The following CUL1 variants were observed in gnomAD, a reference collection of about 807,000 sequenced individuals.
CUL1 encodes cullin-1.
CUL1 carries 24 observed loss-of-function variants against 118.0 expected under a neutral mutation model. The ratio of observed to expected loss-of-function variants is 0.20; its 90% CI spans 0.15 to 0.29. The LOEUF (loss-of-function observed/expected upper bound fraction) is 0.29, where lower values mean the gene tolerates loss of function less well. Ranked by LOEUF, CUL1 falls within the 10% of genes least tolerant of loss-of-function variation. CUL1 has a pLI of 1.00. For missense variants in CUL1, 361 were observed against 933.8 expected (o/e 0.39, Z 7.99); for synonymous variants, 332 against 340.4 (o/e 0.98, Z 0.27).
rs530718949 is a variant in CUL1 at position 148,764,096 on chromosome 7, A to AT, written c.790-2459dup. On this transcript the variant is annotated intron_variant, in intron 7 of 21. Coordinates refer to ENST00000325222, the MANE Select transcript of CUL1 (RefSeq NM_003592.3). ...ATGACTACTGTAGGTTTCTAATGTC[A>AT]TTTTTTAAAAACTTTAAAAATATAC... Among the ~76,000 whole-genome samples, 255 of 152,272 alleles carry AT rather than the reference A, an allele frequency of 1.7e-3. 2 individuals carry two copies. Among genetic ancestry groups the AT allele is most frequent in the African/African-American group, 5.9e-3 (244 of 41,560 alleles).
chr7:148,752,132 T>C (rs910257403), intron 2 of CUL1, among the ~76,000 whole-genome samples: 1 of 152,064 alleles, frequency 6.6e-6, no homozygotes, highest in African/African-American at 2.4e-5. Context: ...AAACAAAATG[T>C]AGAACATGTG....
intron 16 of CUL1, among the ~76,000 whole-genome samples, chr7:148,792,325 C>T (rs906110274): frequency 3.9e-5 from 6 of 152,052 alleles, no homozygotes; most frequent in African/African-American, 1.4e-4. Context: ...CAATAATGTG[C>T]CAAAAGATAA....
chr7:148,788,461 A>T, intron 13 of CUL1, 96 bp from the exon 14 acceptor site: 1 of 741,652 alleles, frequency 1.3e-6, no homozygotes, highest in Non-Finnish European at 2.3e-6. Context: ...CCATATAATT[A>T]AGTATATATT....
At chr7:148,738,305 G>A (rs1201443863) in intron 2 of CUL1, among the ~76,000 whole-genome samples, 4 of 152,324 alleles carry the variant, frequency 2.6e-5, no homozygotes, top group African/African-American at 9.6e-5. Context: ...CACTGGACAG[G>A]TGCCCAGAAG....
At position 148,788,546 on chromosome 7, in the gene CUL1, GTTC is replaced by G; in HGVS notation, c.1480-6_1480-4del. On this transcript the variant is annotated splice_polypyrimidine_tract_variant and splice_region_variant and intron_variant, in intron 13 of 21. Coordinates refer to ENST00000325222, the MANE Select transcript of CUL1 (RefSeq NM_003592.3). ...ACAAATTAATAAGACAGTCATCTGGGTTCTTCTCAGCAAGCTTGCGGGTTCGAG... is the reference window on the plus strand; with the variant it reads ...ACAAATTAATAAGACAGTCATCTGGGTTCTCAGCAAGCTTGCGGGTTCGAG... 6.3e-7 allele frequency: 1 copy of G among 1,579,048 alleles called. No homozygotes were observed. The highest frequency in any genetic ancestry group is 8.7e-7 in the Non-Finnish European group (1 of 1,150,424).
chr7:148,779,780 A>C (rs1008617549), intron 9 of CUL1, among the ~76,000 whole-genome samples: 2 of 152,198 alleles, frequency 1.3e-5, no homozygotes, highest in Non-Finnish European at 2.9e-5. Flanking sequence ...AAGGATGCAA[A>C]GTATTGATCC....
chr7:148,747,031 G>A (rs1799329213), intron 2 of CUL1, among the ~76,000 whole-genome samples: 1 of 152,146 alleles, frequency 6.6e-6, no homozygotes. Context: ...GTACATTTCC[G>A]TGATGATTTC....
intron 2 of CUL1, among the ~76,000 whole-genome samples, chr7:148,737,260 T>G (rs1320252477): frequency 6.6e-6 from 1 of 152,124 alleles, no homozygotes; most frequent in Non-Finnish European, 1.5e-5. Context: ...TTTCAAAGTT[T>G]GATTCACGGT....
chr7:148,726,859 T>A (rs963486610), intron 1 of CUL1, among the ~76,000 whole-genome samples: 10 of 151,152 alleles, frequency 6.6e-5, no homozygotes, highest in African/African-American at 2.0e-4. Context: ...AATTTTTTTT[T>A]AAATTAGCCA....
intron 9 of CUL1, among the ~76,000 whole-genome samples, chr7:148,778,382 A>G (rs1280608680): frequency 1.3e-5 from 2 of 152,106 alleles, no homozygotes; most frequent in Admixed American, 6.6e-5. Context: ...CCTCAGAACC[A>G]TGCTGGGTGG....
Position 148,787,209 on chromosome 7 carries a change from T to A in CUL1, c.1479+89T>A. 7.2e-7 allele frequency: 1 copy of A among 1,395,380 alleles called. No homozygotes were observed. The highest frequency in any genetic ancestry group is 1.3e-5 in the South Asian group (1 of 79,922). The allele number at this position is 1,395,380 out of a possible 1,614,324, so 86.4% of individuals were successfully genotyped here. A position where few individuals can be genotyped will look rare whatever the true frequency, so the allele number is the denominator to read the frequency against. Reference sequence around the variant, plus strand: ...CGAGCGCGGTGGCTCATGCCTGTAATCCCAGCACTTTGGGAGGCCGAGGCG... The same window carrying A: ...CGAGCGCGGTGGCTCATGCCTGTAAACCCAGCACTTTGGGAGGCCGAGGCG... On this transcript the variant is annotated intron_variant, in intron 13 of 21. Coordinates refer to ENST00000325222, the MANE Select transcript of CUL1 (RefSeq NM_003592.3). This position sits in a 1 kb window ranked among gnomAD's most constrained non-coding sequence, Gnocchi z 5.5.
At chr7:148,745,725 A>T (rs1799291764) in intron 2 of CUL1, among the ~76,000 whole-genome samples, 1 of 152,152 alleles carries the variant, frequency 6.6e-6, no homozygotes, top group South Asian at 2.1e-4. Context: ...CAAAACAAGC[A>T]TATGACTTAA....
chr7:148,710,029 G>A (rs192400289), intron 1 of CUL1, among the ~76,000 whole-genome samples: 1 of 152,154 alleles, frequency 6.6e-6, no homozygotes, highest in Non-Finnish European at 1.5e-5. Flanking sequence ...AGATGTTGCA[G>A]TGAGCCGAGG....
In CUL1 at chr7:148,699,038, C is replaced by A; in HGVS notation, c.-162+9C>A. On this transcript the variant is annotated intron_variant, in intron 1 of 21. Transcript: ENST00000325222. ...GCACCACAGAGATGCGGGTGAGTGTCGGCAGCCGCCGGGGCCGAGAGGAGG... is the reference window on the plus strand; with the variant it reads ...GCACCACAGAGATGCGGGTGAGTGTAGGCAGCCGCCGGGGCCGAGAGGAGG... 6.5e-6 allele frequency: 1 copy of A among 153,724 alleles called. No individual in the cohort carries two copies. Among genetic ancestry groups the A allele is most frequent in the South Asian group, 1.8e-4 (1 of 5,546 alleles). 9.5% of individuals were successfully genotyped at this position (153,724 alleles called of 1,614,324 possible). A position where few individuals can be genotyped will look rare whatever the true frequency, so the allele number is the denominator to read the frequency against.
At chr7:148,756,075 A>G (rs1297549007) in intron 3 of CUL1, among the ~76,000 whole-genome samples, 5 of 152,222 alleles carry the variant, frequency 3.3e-5, no homozygotes, top group Non-Finnish European at 7.3e-5. Context: ...ATTAATCCCT[A>G]AGAAAAAAAA....
At chr7:148,742,369 A>C (rs1337008961) in intron 2 of CUL1, among the ~76,000 whole-genome samples, 1 of 152,160 alleles carries the variant, frequency 6.6e-6, no homozygotes, top group Admixed American at 6.5e-5. Flanking sequence ...GAGCTTATGC[A>C]GGGAAACTCC....
Position 148,730,160 on chromosome 7 carries a change from A to G in CUL1, c.38A>G (p.Lys13Arg), listed in dbSNP as rs772982147. ...STRSQNPHGLKQIGLDQIWDD... is the reference protein window; with the variant it reads ...STRSQNPHGLRQIGLDQIWDD... ...CGGAGCCAGAACCCCCACGGCCTGA[A>G]GCAGATTGGCCTGGACCAGATCTGG... The change falls in exon 2 of 22, where the codon AAG becomes AGG. Residue 13 changes from lysine to arginine, a missense_variant. Coordinates refer to ENST00000325222, the MANE Select transcript of CUL1 (RefSeq NM_003592.3). The G allele has an allele frequency of 1.4e-5, 22 of 1,614,114 alleles. No individual in the cohort carries two copies. Among genetic ancestry groups the G allele is most frequent in the Non-Finnish European group, 1.8e-5 (21 of 1,180,016 alleles).
Position 148,786,569 on chromosome 7 carries a change from G to A in CUL1, c.1317G>A (p.Glu439=), listed in dbSNP as rs1333508947. Residue 439 remains glutamate, a synonymous_variant, in exon 12 of 22, where the codon GAG becomes GAA. Coordinates refer to ENST00000325222, the MANE Select transcript of CUL1 (RefSeq NM_003592.3). ...LLKKSSKNPE[E]AELEDTLNQV... is the part of the protein sequence containing the mutation. ...TTTTCAGTTCCAAGAACCCAGAGGA[G>A]GCAGAACTAGAAGACACACTCAATC... is the stretch of plus-strand genomic sequence containing the variant. The A allele has an allele frequency of 6.2e-7, 1 of 1,613,866 alleles. No homozygotes were observed. Among genetic ancestry groups the A allele is most frequent in the Admixed American group, 1.7e-5 (1 of 59,986 alleles).
intron 9 of CUL1, among the ~76,000 whole-genome samples, chr7:148,779,393 T>A (rs747046188): frequency 6.6e-6 from 1 of 152,110 alleles, no homozygotes; most frequent in Non-Finnish European, 1.5e-5. Context: ...TGGGAAGTCT[T>A]AACAGGGCAG....
Sources: allele counts gnomAD v4.1 joint callset (sites outside exome capture counted in the v4.1 genomes callset), GRCh38; gene constraint gnomAD v4.1.1; non-coding constraint Gnocchi (gnomAD v3.1); transcripts MANE v1.5; gene names NCBI Gene and HGNC (gene_info 2026-07-23, HGNC 2026-07-21).